LARP4B: variants seen among roughly 807,000 people sequenced by gnomAD.
LARP4B encodes La ribonucleoprotein 4B.
Under a neutral mutation model 89.8 loss-of-function variants are expected in LARP4B, and 12 were observed. The ratio of observed to expected loss-of-function variants is 0.13; its 90% confidence interval spans 0.09 to 0.22. The LOEUF (loss-of-function observed/expected upper bound fraction) is 0.22. Ranked by LOEUF, LARP4B falls within the 10% of genes least tolerant of loss-of-function variation. LARP4B has a pLI of 1.00. For synonymous variants in LARP4B, 367 were observed against 363.3 expected (o/e 1.01, Z -0.12); for missense variants, 757 against 947.7 (o/e 0.80, Z 2.64).
chr10:912,987 A>G (rs1836712829), intron 1 of LARP4B, among the ~76,000 whole-genome samples: 1 of 152,200 alleles, frequency 6.6e-6, no homozygotes, highest in African/African-American at 2.4e-5. Flanking sequence ...AACTTTTACA[A>G]TGAAAAAAAC....
intron 7 of LARP4B, among the ~76,000 whole-genome samples, chr10:839,737 G>A (rs1833426016): frequency 6.6e-6 from 1 of 152,210 alleles, no homozygotes; most frequent in African/African-American, 2.4e-5. Flanking sequence ...AAAACAGGCA[G>A]GTGGTTTCAC....
At chr10:938,407 C>G in the LARP4B span, among the ~76,000 whole-genome samples, 1 of 152,036 alleles carries the variant, frequency 6.6e-6, no homozygotes, top group Non-Finnish European at 1.5e-5. Context: ...CCCAACACCA[C>G]GCCCGGCTAA....
chr10:979,766 T>C, the LARP4B span, among the ~76,000 whole-genome samples: 2 of 152,062 alleles, frequency 1.3e-5, no homozygotes, highest in Non-Finnish European at 2.9e-5. Flanking sequence ...GGTCAGGAGA[T>C]AGAGACCATC....
chr10:975,038 T>C, the LARP4B span, among the ~76,000 whole-genome samples: 18 of 152,356 alleles, frequency 1.2e-4, no homozygotes, highest in African/African-American at 4.3e-4. Flanking sequence ...GCCTGGCTCC[T>C]TGTGTGTCCA....
intron 1 of LARP4B, among the ~76,000 whole-genome samples, chr10:900,009 G>C (rs1445383527): frequency 7.1e-6 from 1 of 140,292 alleles, no homozygotes. Context: ...AAATTGATCA[G>C]AAAAAAAAAA....
chr10:825,173 T>C lies in LARP4B; in HGVS notation c.1376A>G (p.Gln459Arg). Residue 459 changes from glutamine to arginine, a missense_variant, in exon 13 of 18, where the codon CAA (glutamine) becomes CGA (arginine). Around this residue, in one of 5 missense-constraint regions of LARP4B, gnomAD observed 387 missense variants for 423.6 expected, o/e 0.91. Coordinates refer to ENST00000316157, the MANE Select transcript of LARP4B (RefSeq NM_015155.3). ...AGGGTTTTGAATCCGTGTTCTAGTT[T>C]GACCTGCTTGCCTTGTTTGTGGACT... Reference protein sequence around the residue: ...VRSPQTRQAGQTRTRIQNPSA... With the variant: ...VRSPQTRQAGRTRTRIQNPSA... The C allele has an allele frequency of 6.2e-7, 1 of 1,614,208 alleles. No individual in the cohort carries two copies.
At chr10:903,239 C>T (rs1338103615) in intron 1 of LARP4B, 1 of 152,234 alleles carries the variant, frequency 6.6e-6, no homozygotes, top group Non-Finnish European at 1.5e-5. Context: ...CTCACTTATG[C>T]CATCTCTCAG....
intron 5 of LARP4B, among the ~76,000 whole-genome samples, chr10:858,230 G>A (rs887395428): frequency 1.3e-5 from 2 of 152,122 alleles, no homozygotes; most frequent in East Asian, 1.9e-4. Flanking sequence ...AGAGAGGGCC[G>A]AGAAAGAAAT....
chr10:869,932 AATAATAAT>A (rs1835114999), intron 3 of LARP4B: 1 of 183,400 alleles, frequency 5.5e-6, no homozygotes, highest in Non-Finnish European at 1.0e-5. Flanking sequence ...TAATAATAAT[AATAATAAT>A]AATAATAATA....
At chr10:887,652 A>G (rs1476655232) in intron 1 of LARP4B, among the ~76,000 whole-genome samples, 2 of 152,116 alleles carry the variant, frequency 1.3e-5, no homozygotes, top group African/African-American at 4.8e-5. Flanking sequence ...CAGAGGTTGC[A>G]GTGAGCCAAG....
the LARP4B span, among the ~76,000 whole-genome samples, chr10:940,094 C>T: frequency 6.8e-5 from 10 of 146,442 alleles, no homozygotes; most frequent in African/African-American, 1.8e-4. Flanking sequence ...CTCGGCTCAC[C>T]GCAACATCCA....
At chr10:967,103 C>T in the LARP4B span, among the ~76,000 whole-genome samples, 2 of 152,244 alleles carry the variant, frequency 1.3e-5, no homozygotes, top group African/African-American at 2.4e-5. Context: ...TGTGGCCACA[C>T]ACAGAGCTGC....
intron 5 of LARP4B, among the ~76,000 whole-genome samples, chr10:846,773 C>T (rs1224070237): frequency 2.6e-5 from 4 of 152,140 alleles, no homozygotes; most frequent in South Asian, 2.1e-4. Flanking sequence ...ACTCTCCAAG[C>T]GATAGGTGGT....
chr10:854,681 A>G (rs1261161942), intron 5 of LARP4B, among the ~76,000 whole-genome samples: 9 of 152,174 alleles, frequency 5.9e-5, no homozygotes, highest in Non-Finnish European at 1.2e-4. Flanking sequence ...GTTCCACTTA[A>G]AGAACACAGG....
chr10:918,060 T>C (rs1836874056), intron 1 of LARP4B, among the ~76,000 whole-genome samples: 1 of 152,232 alleles, frequency 6.6e-6, no homozygotes, highest in Non-Finnish European at 1.5e-5. Flanking sequence ...GGATTTTTAC[T>C]ATGTATTTTA....
chr10:864,814 G>A (rs1036211403), intron 3 of LARP4B, among the ~76,000 whole-genome samples: 12 of 152,118 alleles, frequency 7.9e-5, no homozygotes, highest in Admixed American at 2.6e-4. Context: ...TTAGCCGGGC[G>A]TGGTGGCGCA....
chr10:909,110 C>T lies in LARP4B; in HGVS notation c.-40+22318G>A, dbSNP rs192296348. Among the ~76,000 whole-genome samples the T allele has an allele frequency of 2.2e-3, 336 of 151,986 alleles. 1 individual carries two copies. The highest frequency in any genetic ancestry group is 7.3e-3 in the African/African-American group (301 of 41,452). On this transcript the variant is annotated intron_variant, in intron 1 of 17. Coordinates refer to ENST00000316157, the MANE Select transcript of LARP4B (RefSeq NM_015155.3). ...GAGATCAAGATCATCCTGGCTAACACGGTGAAACCCCGTCTCTACTAACAA... is the reference window on the plus strand; with the variant it reads ...GAGATCAAGATCATCCTGGCTAACATGGTGAAACCCCGTCTCTACTAACAA...
At chr10:854,189 T>C (rs538417060) in intron 5 of LARP4B, among the ~76,000 whole-genome samples, 4 of 152,332 alleles carry the variant, frequency 2.6e-5, no homozygotes, top group East Asian at 1.9e-4. Flanking sequence ...TCCAGTTCTC[T>C]TCCTATTTCT....
intron 8 of LARP4B, among the ~76,000 whole-genome samples, chr10:833,434 G>C (rs1833035416): frequency 6.6e-6 from 1 of 151,666 alleles, no homozygotes; most frequent in African/African-American, 2.4e-5. Context: ...TGCCAAAAAA[G>C]GAGATAAAAA....
Sources: allele counts gnomAD v4.1 joint callset (sites outside exome capture counted in the v4.1 genomes callset), GRCh38; gene constraint gnomAD v4.1.1; regional missense constraint gnomAD v4.1.1; transcripts MANE v1.5; gene names NCBI Gene and HGNC (gene_info 2026-07-23, HGNC 2026-07-21).